Variants in CREB5 observed in about 807,000 individuals in gnomAD.
CREB5 encodes cAMP responsive element binding protein 5, also known as cyclic AMP-responsive element-binding protein 5.
CREB5 carries 19 observed loss-of-function variants against 57.1 expected under a neutral mutation model. The observed-to-expected ratio is 0.33, with a 90% CI of 0.23 to 0.49. The LOEUF (loss-of-function observed/expected upper bound fraction) is 0.49, where lower values mean the gene tolerates loss of function less well. CREB5 is among the 20% of genes least tolerant of loss of function. The pLI is 0.99. For synonymous variants in CREB5, 238 were observed against 238.3 expected (o/e 1.00, Z 0.01); for missense variants, 579 against 671.6 (o/e 0.86, Z 1.52).
chr7:28,667,759 A>G lies in CREB5; in HGVS notation c.465-50994A>G, dbSNP rs546324605. Among the ~76,000 whole-genome samples the G allele has an allele frequency of 2.6e-5, 4 of 152,344 alleles. No individual in the cohort carries two copies. The East Asian group carries it at 7.7e-4, about 29-fold the overall frequency. On this transcript the variant is annotated intron_variant, in intron 5 of 10. Coordinates refer to ENST00000357727, the MANE Select transcript of CREB5 (RefSeq NM_182898.4). Reference sequence around the variant, plus strand: ...GCCGAATCCAGCCTGTCTCCTTAAAATGACAAAGCCGAGGAAACGAAAACA... The same window carrying G: ...GCCGAATCCAGCCTGTCTCCTTAAAGTGACAAAGCCGAGGAAACGAAAACA...
At chr7:28,407,347 G>A (rs567150762) in intron 1 of CREB5, among the ~76,000 whole-genome samples, 16 of 152,222 alleles carry the variant, frequency 1.1e-4, no homozygotes, top group Middle Eastern at 3.4e-3. Context: ...CACCGTGCCC[G>A]GCCCCAAGCA....
intron 1 of CREB5, among the ~76,000 whole-genome samples, chr7:28,316,475 A>C (rs1161731583): frequency 6.6e-6 from 1 of 152,102 alleles, no homozygotes; most frequent in African/African-American, 2.4e-5. Context: ...GAAAGAGACA[A>C]ATCAATCAGG....
At chr7:28,659,582 C>G (rs1017751472) in intron 5 of CREB5, among the ~76,000 whole-genome samples, 18 of 152,160 alleles carry the variant, frequency 1.2e-4, no homozygotes, top group African/African-American at 3.4e-4. Flanking sequence ...AAATATATAA[C>G]TCTTTGTGAC....
chr7:28,581,191 T>C (rs954562263), intron 5 of CREB5, among the ~76,000 whole-genome samples: 1 of 152,232 alleles, frequency 6.6e-6, no homozygotes, highest in African/African-American at 2.4e-5. Flanking sequence ...TGAACTTTAC[T>C]TTTTCCCAAT....
intron 1 of CREB5, among the ~76,000 whole-genome samples, chr7:28,414,952 T>C (rs1787968289): frequency 6.6e-6 from 1 of 152,194 alleles, no homozygotes; most frequent in Non-Finnish European, 1.5e-5. Flanking sequence ...AGATATTATA[T>C]TGACATTTCA....
intron 1 of CREB5, among the ~76,000 whole-genome samples, chr7:28,372,733 T>A (rs999914082): frequency 6.6e-6 from 1 of 152,224 alleles, no homozygotes; most frequent in African/African-American, 2.4e-5. Context: ...ATGGCAAAGA[T>A]AATTCTTTTC....
At chr7:28,782,946 G>C (rs549038775) in intron 7 of CREB5, among the ~76,000 whole-genome samples, 1 of 152,270 alleles carries the variant, frequency 6.6e-6, no homozygotes, top group South Asian at 2.1e-4. Context: ...CTCAAACGTG[G>C]TGCTGTGTGC....
intron 1 of CREB5, among the ~76,000 whole-genome samples, chr7:28,322,569 T>C (rs112281649): frequency 0.013 from 2,040 of 151,932 alleles, 45 homozygotes; most frequent in African/African-American, 0.047. Flanking sequence ...ATACATTAGG[T>C]ATTTGTCCTA....
At chr7:28,618,673 C>A (rs182421223) in intron 5 of CREB5, among the ~76,000 whole-genome samples, 1 of 152,334 alleles carries the variant, frequency 6.6e-6, no homozygotes, top group East Asian at 1.9e-4. Flanking sequence ...CAGGCATGAT[C>A]TCTGTGATCC....
intron 1 of CREB5, among the ~76,000 whole-genome samples, chr7:28,420,531 G>A (rs1212279797): frequency 3.9e-5 from 6 of 152,186 alleles, no homozygotes; most frequent in Admixed American, 3.3e-4. Context: ...GTGAGGCCGG[G>A]CATGGTGGCT....
chr7:28,800,081 A>G (rs1808275329), intron 7 of CREB5, among the ~76,000 whole-genome samples: 1 of 152,214 alleles, frequency 6.6e-6, no homozygotes, highest in Non-Finnish European at 1.5e-5. Flanking sequence ...TAAGCTTACA[A>G]TCTGAGATGG....
intron 1 of CREB5, among the ~76,000 whole-genome samples, chr7:28,439,295 A>G (rs1029769285): frequency 4.6e-5 from 7 of 152,170 alleles, no homozygotes; most frequent in Admixed American, 2.6e-4. Flanking sequence ...TTTGCATTAT[A>G]TAACTATCAT....
intron 7 of CREB5, among the ~76,000 whole-genome samples, chr7:28,766,647 C>T (rs976594012): frequency 1.3e-5 from 2 of 152,166 alleles, no homozygotes; most frequent in African/African-American, 4.8e-5. Context: ...GCTGGAATGT[C>T]GACCCAGATT....
At position 28,428,187 on chromosome 7, in the gene CREB5, G is replaced by A. The variant is rs138333135; in HGVS notation, c.3+15270G>A. Among the ~76,000 whole-genome samples, 364 of 152,328 alleles carry A rather than the reference G, an allele frequency of 2.4e-3. 3 individuals are homozygous for A. Among genetic ancestry groups the A allele is most frequent in the African/African-American group, 8.1e-3 (335 of 41,566 alleles). On this transcript the variant is annotated intron_variant, in intron 1 of 10. Transcript: ENST00000357727. ...CAAGGGCCCTGCTGTTTTGGATGGT[G>A]TGCTTGAGGAACTGCAAGGAAGCAG...
rs936460261 is a variant in CREB5 at position 28,825,779 on chromosome 7, C to A, written c.*6500C>A. The A allele has an allele frequency of 6.6e-6, 1 of 152,616 alleles. No homozygotes were observed. 9.5% of individuals were successfully genotyped at this position (152,616 alleles called of 1,614,324 possible). A position where few individuals can be genotyped will look rare whatever the true frequency, so the allele number is the denominator to read the frequency against. On this transcript the variant is annotated 3_prime_UTR_variant, in exon 11 of 11. Transcript: ENST00000357727. The stretch of plus-strand genomic sequence containing the variant: ...GGACAATGAGTTCATTAAGACTGTT[C>A]AACTAGGTCAGATTTTTACATCTCT...
intron 1 of CREB5, among the ~76,000 whole-genome samples, chr7:28,392,006 G>C (rs933940565): frequency 1.3e-5 from 2 of 152,212 alleles, no homozygotes; most frequent in African/African-American, 2.4e-5. Flanking sequence ...ATTTTTCTTA[G>C]CAATGTAATG....
chr7:28,449,726 C>G (rs907347570), intron 1 of CREB5, among the ~76,000 whole-genome samples: 1 of 152,138 alleles, frequency 6.6e-6, no homozygotes, highest in African/African-American at 2.4e-5. Context: ...GACCTGAGGT[C>G]GTAACTCAAG....
Position 28,732,032 on chromosome 7 carries a change from C to T in CREB5, c.702+7700C>T, listed in dbSNP as rs375548046. ...TCTTTGTGCCTGCATGGGTCTTCCTCGGGTTCTAGAGCTCCACATCATGCT... is the reference window on the plus strand; with the variant it reads ...TCTTTGTGCCTGCATGGGTCTTCCTTGGGTTCTAGAGCTCCACATCATGCT... On this transcript the variant is annotated intron_variant, in intron 7 of 10. Transcript: ENST00000357727. Among the ~76,000 whole-genome samples, 52 of 152,138 alleles carry T rather than the reference C, an allele frequency of 3.4e-4. 1 individual carries two copies. Among genetic ancestry groups the T allele is most frequent in the East Asian group, 7.7e-4 (4 of 5,186 alleles).
chr7:28,537,430 A>G (rs186797274), intron 4 of CREB5, among the ~76,000 whole-genome samples: 88 of 147,228 alleles, frequency 6.0e-4, no homozygotes, highest in Middle Eastern at 6.8e-3. Context: ...GCATATGGCC[A>G]TTTAAAATTA....
Sources: allele counts gnomAD v4.1 joint callset (sites outside exome capture counted in the v4.1 genomes callset), GRCh38; gene constraint gnomAD v4.1.1; transcripts MANE v1.5; gene names NCBI Gene and HGNC (gene_info 2026-07-23, HGNC 2026-07-21).